The following RBFOX1 variants were observed in gnomAD, a reference collection of about 807,000 sequenced individuals.
The protein encoded by RBFOX1 is RNA binding fox-1 homolog 1.
In RBFOX1, 8 loss-of-function variants were observed where a neutral mutation model predicts 57.7. The observed-to-expected ratio is 0.14, with a 90% CI of 0.08 to 0.25. The LOEUF (loss-of-function observed/expected upper bound fraction) is 0.25. RBFOX1 is among the 10% of genes least tolerant of loss of function. RBFOX1 has a pLI of 1.00. For synonymous variants in RBFOX1, 326 were observed against 222.4 expected, an observed-to-expected ratio of 1.47 and a Z score of -4.15; for missense variants, 611 against 548.5, an observed-to-expected ratio of 1.11 and a Z score of -1.14.
At chr16:7,610,221 G>A (rs1452686110) in intron 10 of RBFOX1, among the ~76,000 whole-genome samples, 4 of 144,348 alleles carry the variant, frequency 2.8e-5, no homozygotes, top group African/African-American at 1.0e-4. Context: ...CCGGGTTCAT[G>A]CAATTCTTCT....
intron 3 of RBFOX1, among the ~76,000 whole-genome samples, chr16:5,752,899 A>T (rs1330230823): frequency 6.6e-6 from 1 of 152,242 alleles, no homozygotes; most frequent in Non-Finnish European, 1.5e-5. Context: ...AAGAGTGCCC[A>T]GCACTTTGGG....
intron 4 of RBFOX1, among the ~76,000 whole-genome samples, chr16:7,277,393 C>G (rs1455482193): frequency 6.6e-6 from 1 of 152,178 alleles, no homozygotes; most frequent in Non-Finnish European, 1.5e-5. Flanking sequence ...ACCTCCATCT[C>G]CCACCCATCT....
At position 5,580,468 on chromosome 16, in the gene RBFOX1, G is replaced by C. The variant is rs78544371; in HGVS notation, c.259-18434G>C. On this transcript the variant is annotated intron_variant, in intron 2 of 2. Coordinates refer to the RBFOX1 transcript ENST00000585867. ...GTTGTACGGATGGCCCCACTTCACC[G>C]CCTGGGTGACTTGGATGCCACCTGC... Among the ~76,000 whole-genome samples, 866 of 152,290 alleles carry C rather than the reference G, an allele frequency of 5.7e-3. 5 individuals are homozygous for C. The highest frequency in any genetic ancestry group is 0.02 in the African/African-American group (825 of 41,552).
chr16:6,283,370 C>G (rs953260739), intron 1 of RBFOX1, among the ~76,000 whole-genome samples: 2 of 152,108 alleles, frequency 1.3e-5, no homozygotes, highest in Non-Finnish European at 2.9e-5. Context: ...ATCCTTAAGC[C>G]TAGCCATTCT....
intron 3 of RBFOX1, among the ~76,000 whole-genome samples, chr16:6,949,507 A>G (rs1282370716): frequency 2.0e-5 from 3 of 152,166 alleles, no homozygotes; most frequent in African/African-American, 7.2e-5. Context: ...GAGCATTGGC[A>G]GGGTCTGTTT....
At chr16:6,832,600 G>A (rs878933591) in intron 3 of RBFOX1, among the ~76,000 whole-genome samples, 10 of 152,202 alleles carry the variant, frequency 6.6e-5, no homozygotes, top group Non-Finnish European at 1.3e-4. Context: ...GGAAAGTGAA[G>A]GTTTCTAAGT....
chr16:6,906,750 T>G, intron 3 of RBFOX1, among the ~76,000 whole-genome samples: 1 of 146,190 alleles, frequency 6.8e-6, no homozygotes, highest in Non-Finnish European at 1.5e-5. Flanking sequence ...TGAGACAGAG[T>G]CTTGCTCTGT....
intron 4 of RBFOX1, among the ~76,000 whole-genome samples, chr16:7,159,416 G>A (rs9926501): frequency 4.6e-4 from 70 of 152,236 alleles, no homozygotes; most frequent in African/African-American, 1.6e-3. Context: ...AACGGGACAG[G>A]ATTAGCATCT....
intron 3 of RBFOX1, among the ~76,000 whole-genome samples, chr16:6,713,375 C>G (rs965730633): frequency 5.9e-5 from 9 of 152,250 alleles, no homozygotes; most frequent in East Asian, 1.9e-4. Flanking sequence ...ATCCCCATCT[C>G]TCACCAAATT....
intron 3 of RBFOX1, among the ~76,000 whole-genome samples, chr16:6,849,955 T>C (rs79104559): frequency 0.022 from 3,357 of 152,318 alleles, 106 homozygotes; most frequent in African/African-American, 0.075. Flanking sequence ...AGCTGGAGAC[T>C]TTGTCTTTGA....
intron 3 of RBFOX1, among the ~76,000 whole-genome samples, chr16:6,988,348 C>A (rs902537050): frequency 6.6e-6 from 1 of 152,074 alleles, no homozygotes; most frequent in African/African-American, 2.4e-5. Flanking sequence ...TCTTACTGTC[C>A]ACTGTAGTAG....
chr16:6,528,356 G>T (rs2096610628), intron 2 of RBFOX1, among the ~76,000 whole-genome samples: 1 of 152,142 alleles, frequency 6.6e-6, no homozygotes, highest in Non-Finnish European at 1.5e-5. Flanking sequence ...CTAACTGTTT[G>T]CACAGTCTCC....
intron 4 of RBFOX1, among the ~76,000 whole-genome samples, chr16:5,915,221 C>T (rs947758813): frequency 1.3e-5 from 2 of 152,182 alleles, no homozygotes; most frequent in African/African-American, 4.8e-5. Flanking sequence ...TGAACAGATC[C>T]TAAGAGGTCA....
intron 1 of RBFOX1, among the ~76,000 whole-genome samples, chr16:6,133,546 C>G (rs1160076711): frequency 1.3e-5 from 2 of 152,136 alleles, no homozygotes; most frequent in Non-Finnish European, 2.9e-5. Context: ...TTTACTGTTA[C>G]CCCTCCCCAT....
intron 3 of RBFOX1, among the ~76,000 whole-genome samples, chr16:6,824,504 T>C (rs1567420984): frequency 6.6e-6 from 1 of 152,228 alleles, no homozygotes; most frequent in Non-Finnish European, 1.5e-5. Flanking sequence ...AAATTCTATA[T>C]TTCATTTTTT....
intron 3 of RBFOX1, among the ~76,000 whole-genome samples, chr16:7,048,447 G>C (rs2048809184): frequency 6.6e-6 from 1 of 151,830 alleles, no homozygotes; most frequent in Non-Finnish European, 1.5e-5. Flanking sequence ...TTTTAGTAGA[G>C]ACAGGGTTTC....
intron 1 of RBFOX1, among the ~76,000 whole-genome samples, chr16:6,292,216 C>T (rs749950300): frequency 6.6e-6 from 1 of 152,136 alleles, no homozygotes; most frequent in African/African-American, 2.4e-5. Context: ...GCCATGATCA[C>T]ACCACTGCAC....
In RBFOX1 at chr16:7,029,180, GTGTATATATACACA is replaced by G; in HGVS notation, c.-15-22875_-15-22862del. 4.2e-5 allele frequency among the ~76,000 whole-genome samples: 3 copies of G among 72,084 alleles called. 1 individual carries two copies. Among genetic ancestry groups the G allele is most frequent in the Non-Finnish European group, 8.7e-5 (3 of 34,506 alleles). 47.3% of individuals were successfully genotyped at this position (72,084 alleles called of 152,430 possible). A position where few individuals can be genotyped will look rare whatever the true frequency, so the allele number is the denominator to read the frequency against. On this transcript the variant is annotated intron_variant, in intron 3 of 15. Transcript: ENST00000550418. The stretch of plus-strand genomic sequence containing the variant: ...TATATACACATATATATACGTATAC[GTGTATATATACACA>G]TATGTATACGTATACGTATATATAT...
intron 3 of RBFOX1, among the ~76,000 whole-genome samples, chr16:7,040,741 T>A (rs1402286069): frequency 3.3e-5 from 5 of 152,256 alleles, no homozygotes; most frequent in African/African-American, 1.2e-4. Context: ...TGATTTTAAC[T>A]TGCTTTTGTT....
Sources: allele counts gnomAD v4.1 joint callset (sites outside exome capture counted in the v4.1 genomes callset), GRCh38; gene constraint gnomAD v4.1.1; transcripts MANE v1.5; gene names NCBI Gene and HGNC (gene_info 2026-07-23, HGNC 2026-07-21).